USPL1: variants seen among roughly 807,000 people sequenced by gnomAD.
The protein encoded by USPL1 is SUMO-specific isopeptidase USPL1.
Under a neutral mutation model 51.5 loss-of-function variants are expected in USPL1, and 27 were observed. The ratio of observed to expected loss-of-function variants is 0.52; its 90% CI spans 0.39 to 0.72. The LOEUF is 0.72. Ranked by LOEUF, USPL1 falls within the 30% of genes least tolerant of loss-of-function variation. USPL1 has a pLI of 0.00. For synonymous variants in USPL1, 451 were observed against 459.6 expected (o/e 0.98, Z 0.24); for missense variants, 1,226 against 1,268.0 (o/e 0.97, Z 0.50).
At chr13:30,620,682 C>A (rs1259429633) in intron 1 of USPL1, among the ~76,000 whole-genome samples, 2 of 152,230 alleles carry the variant, frequency 1.3e-5, no homozygotes, top group Admixed American at 1.3e-4. Context: ...CAAATAGTGG[C>A]ACAATGGATC....
Position 30,636,414 on chromosome 13 carries a change from A to T in USPL1, c.869-1330A>T, listed in dbSNP as rs145905847. Among the ~76,000 whole-genome samples, 33 of 152,164 alleles carry T rather than the reference A, an allele frequency of 2.2e-4. No homozygotes were observed. In the East Asian group the frequency reaches 6.4e-3, roughly 29 times the overall value. On this transcript the variant is annotated intron_variant, in intron 4 of 8. Transcript: ENST00000255304. ...TAATGCTTATTTCATATTACAGGAG[A>T]ATCCAGATATTTCATTAGGGAAACA...
intron 3 of USPL1, among the ~76,000 whole-genome samples, chr13:30,626,444 C>T (rs1253101831): frequency 6.6e-6 from 1 of 152,180 alleles, no homozygotes; most frequent in Non-Finnish European, 1.5e-5. Flanking sequence ...TAGCCATGCT[C>T]AATCATTTAT....
At position 30,631,214 on chromosome 13, in the gene USPL1, A is replaced by G. The variant is rs1950800282; in HGVS notation, c.608A>G (p.Asn203Ser). ...GGAACTGGCAGACCTTCCCCTCAAA[A>G]TGAAGGATGTACATCTAAACTGGAA... ...VSGTGRPSPQ[N>S]EGCTSKLEMP... Residue 203 changes from asparagine (N) to serine (S), a missense_variant, in exon 4 of 9, where the codon AAT becomes AGT. Asn to Ser is a conservative substitution (Grantham distance 46). Transcript: ENST00000255304. The G allele has an allele frequency of 6.2e-7, 1 of 1,614,060 alleles. No homozygotes were observed. The highest frequency in any genetic ancestry group is 1.1e-5 in the South Asian group (1 of 91,086).
chr13:30,637,439 G>A (rs1950891011), intron 4 of USPL1, among the ~76,000 whole-genome samples: 1 of 152,130 alleles, frequency 6.6e-6, no homozygotes, highest in African/African-American at 2.4e-5. Context: ...GGTAACTTTA[G>A]CTGTTTTAGA....
chr13:30,657,613 T>G lies in USPL1; in HGVS notation c.1536T>G (p.Leu512=), dbSNP rs150868368. ...TGACAGATAAAGAAGCTGCCTGCCT[T>G]CCACTTAAAAAGACTAATGACCAAC... is the stretch of plus-strand genomic sequence containing the variant. The part of the protein sequence containing the change: ...SQVTDKEAAC[L]PLKKTNDQHA... The change falls in exon 9 of 9, where the codon CTT becomes CTG. Residue 512 remains leucine, a synonymous_variant. Coordinates refer to ENST00000255304, the MANE Select transcript of USPL1 (RefSeq NM_005800.5). 15 of 1,614,168 alleles carry G rather than the reference T, an allele frequency of 9.3e-6. No individual in the cohort carries two copies. The African/African-American group carries it at 1.7e-4, about 19-fold the overall frequency.
At chr13:30,618,692 C>A (rs1376185488) in intron 1 of USPL1, among the ~76,000 whole-genome samples, 1 of 152,034 alleles carries the variant, frequency 6.6e-6, no homozygotes, top group Non-Finnish European at 1.5e-5. Flanking sequence ...CACATTAAGG[C>A]TTCTGGAGTA....
chr13:30,638,363 G>A (rs1950903533), intron 5 of USPL1, among the ~76,000 whole-genome samples: 1 of 152,116 alleles, frequency 6.6e-6, no homozygotes, highest in African/African-American at 2.4e-5. Context: ...ACCAGTGATT[G>A]GTTTAGGAAT....
chr13:30,643,607 C>CT (rs1950977944), intron 6 of USPL1, among the ~76,000 whole-genome samples: 2 of 132,380 alleles, frequency 1.5e-5, no homozygotes, highest in African/African-American at 6.4e-5. Flanking sequence ...TCCACCCCCC[C>CT]CCGCCCTTTT....
At chr13:30,643,600 A>AC (rs1321714510) in intron 6 of USPL1, among the ~76,000 whole-genome samples, 1,403 of 44,802 alleles carry the variant, frequency 0.031, 7 homozygotes, top group Non-Finnish European at 0.044. Flanking sequence ...AACTCTTTCC[A>AC]CCCCCCCCCG....
chr13:30,621,931 CT>C, intron 3 of USPL1, 39 bp downstream of exon 3: 1 of 1,300,422 alleles, frequency 7.7e-7, no homozygotes, highest in South Asian at 2.3e-5. Context: ...TAAGATTTTT[CT>C]TTTTTCTTTT....
chr13:30,623,025 A>G (rs775760216), intron 3 of USPL1, among the ~76,000 whole-genome samples: 2 of 152,128 alleles, frequency 1.3e-5, no homozygotes, highest in Non-Finnish European at 2.9e-5. Flanking sequence ...GTGAACAAGT[A>G]TGTGTTTTTC....
chr13:30,645,989 A>T (rs147584268), intron 6 of USPL1, among the ~76,000 whole-genome samples: 2 of 152,372 alleles, frequency 1.3e-5, no homozygotes, highest in East Asian at 1.9e-4. Context: ...GAGCCTTTAC[A>T]TAACAATTAT....
chr13:30,636,899 G>A (rs1028588903), intron 4 of USPL1, among the ~76,000 whole-genome samples: 3 of 152,178 alleles, frequency 2.0e-5, no homozygotes, highest in African/African-American at 7.2e-5. Flanking sequence ...CAAGTGCTAT[G>A]TTTCAGTCAC....
rs1319055454 is a variant in USPL1, at chr13:30,637,842, C to G, written c.967C>G (p.Leu323Val). 6.2e-7 allele frequency: 1 copy of G among 1,613,030 alleles called. No individual in the cohort carries two copies. Among genetic ancestry groups the G allele is most frequent in the African/African-American group, 1.3e-5 (1 of 74,998 alleles). ...AATTTTTATTAGCCTTCAGCCCCAG[C>G]TTAGATGCACATTAGGTAAGTAATT... ...DEIFISLQPQ[L>V]RCTLGDMESP... The change falls in exon 5 of 9, where the codon CTT becomes GTT. Residue 323 changes from leucine to valine, a missense_variant. Transcript: ENST00000255304.
chr13:30,658,372 C>T lies in USPL1; in HGVS notation c.2295C>T (p.Ser765=). ...GAAGTTGGGTTAAAGGCTTAATAAG[C>T]AGGGGTGCTTCTTTTATGCCACTCT... ...FVGSWVKGLI[S]RGASFMPLCV... Residue 765 remains serine (S), a synonymous_variant, in exon 9 of 9, where the codon AGC becomes AGT. Coordinates refer to ENST00000255304, the MANE Select transcript of USPL1 (RefSeq NM_005800.5). 3 of 1,613,640 alleles carry T rather than the reference C, an allele frequency of 1.9e-6. No homozygotes were observed. The highest frequency in any genetic ancestry group is 2.5e-6 in the Non-Finnish European group (3 of 1,180,004).
At chr13:30,649,288 T>G (rs1393370435) in intron 7 of USPL1, among the ~76,000 whole-genome samples, 1 of 152,252 alleles carries the variant, frequency 6.6e-6, no homozygotes, top group African/African-American at 2.4e-5. Flanking sequence ...CTTTGTGTTT[T>G]TTTAATTTTG....
At chr13:30,646,911 T>A in intron 6 of USPL1, 21 bp from the exon 7 acceptor site, 1 of 1,595,214 alleles carries the variant, frequency 6.3e-7, no homozygotes, top group Non-Finnish European at 8.5e-7. Context: ...TTAATGAATT[T>A]GTTATGTCAT....
rs137930093 is a variant in USPL1, at chr13:30,657,839, C to G, written c.1762C>G (p.Leu588Val). Reference sequence around the variant, plus strand: ...GGTTGACAATATTTTACCTCTGACACTTGAAGAAACTATCCAGAAAACAGC... The same window carrying G: ...GGTTGACAATATTTTACCTCTGACAGTTGAAGAAACTATCCAGAAAACAGC... Reference protein sequence around the residue: ...GLVDNILPLTLEETIQKTASV... With the variant: ...GLVDNILPLTVEETIQKTASV... The change falls in exon 9 of 9, where the codon CTT becomes GTT. Residue 588 changes from leucine to valine, a missense_variant. Leu to Val is a conservative substitution (Grantham distance 32). Transcript: ENST00000255304. 238 of 1,613,902 alleles carry G rather than the reference C, an allele frequency of 1.5e-4. 2 individuals carry two copies. The highest frequency in any genetic ancestry group is 1.6e-4 in the Middle Eastern group (1 of 6,084).
At chr13:30,635,575 C>T (rs528647095) in intron 4 of USPL1, among the ~76,000 whole-genome samples, 1 of 152,296 alleles carries the variant, frequency 6.6e-6, no homozygotes, top group African/African-American at 2.4e-5. Flanking sequence ...TATTCAACTT[C>T]TTTTGAAGTG....
Sources: allele counts gnomAD v4.1 joint callset (sites outside exome capture counted in the v4.1 genomes callset), GRCh38; gene constraint gnomAD v4.1.1; transcripts MANE v1.5; gene names NCBI Gene and HGNC (gene_info 2026-07-23, HGNC 2026-07-21).